Variants in CAST observed in about 807,000 individuals in gnomAD.
CAST encodes calpastatin.
A neutral mutation model predicts 119.6 loss-of-function variants in CAST; 76 were observed. That is an observed-to-expected ratio of 0.64 (90% CI 0.53 to 0.77). The LOEUF (loss-of-function observed/expected upper bound fraction) is 0.77, where lower values mean the gene tolerates loss of function less well. Ranked by LOEUF, CAST falls within the 30% of genes least tolerant of loss-of-function variation. The pLI, the probability that CAST is intolerant of heterozygous loss-of-function variation, is 0.00. For missense variants in CAST, 953 were observed against 946.5 expected, an observed-to-expected ratio of 1.01 and a Z score of -0.09; for synonymous variants, 319 against 331.6, an observed-to-expected ratio of 0.96 and a Z score of 0.41.
At chr5:96,234,272 C>G in the CAST span, among the ~76,000 whole-genome samples, 1 of 152,190 alleles carries the variant, frequency 6.6e-6, no homozygotes, top group Non-Finnish European at 1.5e-5. Flanking sequence ...ACATGGCAAA[C>G]AGCCTGCTGG....
the CAST span, among the ~76,000 whole-genome samples, chr5:96,005,805 ATC>A: frequency 6.6e-6 from 1 of 152,154 alleles, no homozygotes; most frequent in African/African-American, 2.4e-5. Flanking sequence ...ATTTTTAAAA[ATC>A]TAATTGGAGA....
chr5:96,312,993 C>A, the CAST span, among the ~76,000 whole-genome samples: 1,947 of 152,126 alleles, frequency 0.013, 42 homozygotes, highest in African/African-American at 0.044. Flanking sequence ...GGGCTTAATT[C>A]TCTCAAAACT....
At chr5:96,680,832 G>A (rs1302693676) in intron 2 of CAST, among the ~76,000 whole-genome samples, 1 of 152,240 alleles carries the variant, frequency 6.6e-6, no homozygotes, top group Non-Finnish European at 1.5e-5. Flanking sequence ...GAGTACTGCA[G>A]CAAACATTTT....
intron 2 of CAST, among the ~76,000 whole-genome samples, chr5:96,677,281 T>G (rs1398127710): frequency 6.6e-6 from 1 of 152,252 alleles, no homozygotes; most frequent in Non-Finnish European, 1.5e-5. Context: ...AAGTTTTCTT[T>G]TCCAATATGG....
At chr5:96,257,218 T>C in the CAST span, among the ~76,000 whole-genome samples, 1 of 152,134 alleles carries the variant, frequency 6.6e-6, no homozygotes, top group Non-Finnish European at 1.5e-5. Context: ...TTTATCTGAG[T>C]TTAGAAGGTT....
the CAST span, among the ~76,000 whole-genome samples, chr5:96,340,569 G>T: frequency 6.6e-6 from 1 of 152,166 alleles, no homozygotes; most frequent in East Asian, 1.9e-4. Flanking sequence ...TGATGTGTTT[G>T]TTCACTCCGT....
At chr5:96,369,664 A>G in the CAST span, among the ~76,000 whole-genome samples, 1 of 152,154 alleles carries the variant, frequency 6.6e-6, no homozygotes, top group African/African-American at 2.4e-5. Flanking sequence ...GCTGCCAAAA[A>G]TCTGAAATCC....
the CAST span, among the ~76,000 whole-genome samples, chr5:96,311,998 T>G: frequency 6.6e-6 from 1 of 152,098 alleles, no homozygotes; most frequent in Admixed American, 6.6e-5. Context: ...TTTCTTTTTT[T>G]CTCTCTTGCT....
chr5:96,394,981 C>G, the CAST span: 2 of 1,614,076 alleles, frequency 1.2e-6, no homozygotes, highest in South Asian at 2.2e-5. Flanking sequence ...CGTGCAAAAT[C>G]AGCTTCCAGT....
the CAST span, among the ~76,000 whole-genome samples, chr5:96,014,450 TA>T: frequency 6.6e-6 from 1 of 152,128 alleles, no homozygotes; most frequent in South Asian, 2.1e-4. Context: ...CGTAAACAAG[TA>T]ACATAGTCAC....
upstream of CAST, among the ~76,000 whole-genome samples, chr5:96,659,520 T>C (rs187181099): frequency 4.1e-4 from 63 of 152,250 alleles, 1 homozygote; most frequent in Non-Finnish European, 1.6e-4. Flanking sequence ...GCCATTTATT[T>C]ATTTATATTT....
Position 96,754,675 on chromosome 5 carries a change from A to C in CAST, c.1644A>C (p.Glu548Asp), listed in dbSNP as rs760837605. 1.2e-6 allele frequency: 2 copies of C among 1,606,820 alleles called. No individual in the cohort carries two copies. Among genetic ancestry groups the C allele is most frequent in the South Asian group, 1.1e-5 (1 of 90,362 alleles). The part of the protein sequence containing the change: ...MDKVKEKAKE[E>D]DREKLGEKEE... ...TTTCTCAGGAGAAGGCCAAAGAAGA[A>C]GACCGTGAAAAGCTTGGTGAAAAAG... The change falls in exon 22 of 32, where the codon GAA (glutamate) becomes GAC (aspartate). Residue 548 changes from glutamate to aspartate, a missense_variant. Physicochemically the swap from Glu to Asp is conservative, Grantham distance 45. Coordinates refer to ENST00000675179, the MANE Select transcript of CAST (RefSeq NM_001750.7).
intron 1 of CAST, among the ~76,000 whole-genome samples, chr5:96,664,313 T>A (rs560174746): frequency 2.6e-4 from 40 of 151,022 alleles, no homozygotes; most frequent in Middle Eastern, 3.4e-3. Flanking sequence ...ATATATATAT[T>A]TACACATATA....
chr5:96,741,762 C>T (rs1366156071), intron 15 of CAST, 182 bp downstream of exon 15: 1 of 556,544 alleles, frequency 1.8e-6, no homozygotes, highest in Non-Finnish European at 3.3e-6. Context: ...TTGTGTGTTT[C>T]TGTAACTGCT....
chr5:96,407,278 C>G, the CAST span, among the ~76,000 whole-genome samples: 1 of 151,962 alleles, frequency 6.6e-6, no homozygotes, highest in Non-Finnish European at 1.5e-5. Context: ...TTTTGTGAAC[C>G]AAGGCCATAA....
the CAST span, among the ~76,000 whole-genome samples, chr5:96,013,651 G>T: frequency 1.3e-5 from 2 of 152,050 alleles, no homozygotes; most frequent in Admixed American, 1.3e-4. Flanking sequence ...AGATAGTACA[G>T]CCCTACTACA....
At chr5:96,420,224 G>T in the CAST span, among the ~76,000 whole-genome samples, 17 of 152,324 alleles carry the variant, frequency 1.1e-4, no homozygotes, top group African/African-American at 2.9e-4. Context: ...ATGGAATAGA[G>T]GCAGAGAGAG....
the CAST span, among the ~76,000 whole-genome samples, chr5:96,448,773 A>G: frequency 9.9e-4 from 151 of 152,228 alleles, no homozygotes; most frequent in African/African-American, 3.5e-3. Flanking sequence ...TCACTGATCA[A>G]AAAATGTAGT....
the CAST span, among the ~76,000 whole-genome samples, chr5:96,504,802 A>G: frequency 1.3e-5 from 2 of 152,236 alleles, no homozygotes; most frequent in Non-Finnish European, 2.9e-5. Flanking sequence ...AATCCAGGCA[A>G]CAAATGATGT....
Sources: gnomAD v4.1 joint callset for allele counts (sites outside exome capture counted in the v4.1 genomes callset) on GRCh38, gnomAD v4.1.1 for gene constraint, MANE v1.5 for transcripts, NCBI Gene and HGNC (gene_info 2026-07-23, HGNC 2026-07-21) for gene names.